The following STUM variants were observed in gnomAD, a reference collection of about 807,000 sequenced individuals.
STUM encodes the protein stum, mechanosensory transduction mediator homolog, also known as protein stum homolog.
Under a neutral mutation model 15.3 loss-of-function variants are expected in STUM, and 8 were observed. The ratio of observed to expected loss-of-function variants is 0.52; its 90% CI spans 0.31 to 0.94. The LOEUF (loss-of-function observed/expected upper bound fraction) is 0.94. Ranked by LOEUF, STUM falls within the 40% of genes least tolerant of loss-of-function variation. The probability of loss-of-function intolerance (pLI) is 0.05; values close to 1 mark genes in which losing one functional copy is unlikely to be tolerated. For missense variants in STUM, 142 were observed against 204.9 expected, an observed-to-expected ratio of 0.69 and a Z score of 1.87; for synonymous variants, 78 against 88.7, an observed-to-expected ratio of 0.88 and a Z score of 0.68.
At chr1:226,598,747 C>G (rs1310221203) in intron 2 of STUM, among the ~76,000 whole-genome samples, 1 of 152,236 alleles carries the variant, frequency 6.6e-6, no homozygotes, top group East Asian at 1.9e-4. Context: ...GCAGCCCCTA[C>G]CTTTGCCATG....
chr1:226,578,632 G>C (rs1362997197), intron 1 of STUM, among the ~76,000 whole-genome samples: 1 of 152,086 alleles, frequency 6.6e-6, no homozygotes, highest in African/African-American at 2.4e-5. Context: ...CAAAGTGCTG[G>C]GATTACAGGC....
intron 1 of STUM, among the ~76,000 whole-genome samples, chr1:226,596,081 G>A (rs559338801): frequency 1.3e-4 from 20 of 152,274 alleles, no homozygotes; most frequent in Admixed American, 7.2e-4. Flanking sequence ...ACCCATAGGG[G>A]CTGAGTCTTA....
intron 1 of STUM, among the ~76,000 whole-genome samples, chr1:226,583,232 G>A (rs925604515): frequency 1.3e-5 from 2 of 152,006 alleles, no homozygotes; most frequent in African/African-American, 4.8e-5. Context: ...GGGAGGAGCA[G>A]CAAAGTCACA....
rs548730226 is a variant in STUM, at chr1:226,565,549, A to G, written c.202+16443A>G. Among the ~76,000 whole-genome samples, 2 of 152,232 alleles carry G rather than the reference A, an allele frequency of 1.3e-5. No individual in the cohort carries two copies. The highest frequency in any genetic ancestry group is 4.8e-5 in the African/African-American group (2 of 41,460). ...TCCTAGAAGCTCTGAAACAGCCAGT[A>G]CATGGAGCCAGGGCTTCCTGCCGTC... On this transcript the variant is annotated intron_variant, in intron 1 of 3. Coordinates refer to ENST00000366788, the MANE Select transcript of STUM (RefSeq NM_001003665.4). This position sits in a 1 kb window ranked among gnomAD's most constrained non-coding sequence, Gnocchi z 4.4.
intron 1 of STUM, among the ~76,000 whole-genome samples, chr1:226,566,091 G>A (rs1667621594): frequency 6.6e-6 from 1 of 152,218 alleles, no homozygotes; most frequent in African/African-American, 2.4e-5. Flanking sequence ...CTTGGAGAAT[G>A]ACACTTGCTT....
At position 226,548,984 on chromosome 1, in the gene STUM, C is replaced by T. The variant is rs765482144; in HGVS notation, c.80C>T (p.Ser27Leu). 1 of 1,530,842 alleles carries T rather than the reference C, an allele frequency of 6.5e-7. No individual in the cohort carries two copies. The highest frequency in any genetic ancestry group is 8.8e-7 in the Non-Finnish European group (1 of 1,141,336). The allele number at this position is 1,530,842 out of a possible 1,614,324, so 94.8% of individuals were successfully genotyped here. ...VAAADPRGAS[S>L]SSGVVVQVRE... ...GCGGCGGACCCCCGGGGGGCGTCCT[C>T]GTCCAGCGGGGTGGTGGTGCAGGTC... Residue 27 changes from serine (S) to leucine (L), a missense_variant, in exon 1 of 4, where the codon TCG (serine) becomes TTG (leucine). Ser to Leu is a moderately radical substitution (Grantham distance 145). Around this residue, in one of 2 missense-constraint regions of STUM, gnomAD observed 113 missense variants for 134.4 expected, o/e 0.84. Coordinates refer to ENST00000366788, the MANE Select transcript of STUM (RefSeq NM_001003665.4).
intron 1 of STUM, among the ~76,000 whole-genome samples, chr1:226,573,901 C>G (rs1667762363): frequency 6.7e-6 from 1 of 149,872 alleles, no homozygotes; most frequent in Non-Finnish European, 1.5e-5. Context: ...GTGGTGTGAT[C>G]TCAGCTCACT....
At position 226,548,971 on chromosome 1, in the gene STUM, C is replaced by G. The variant is rs761170398; in HGVS notation, c.67C>G (p.Arg23Gly). ...GGCGGCGGTGGCGGCGGCGGACCCCCGGGGGGCGTCCTCGTCCAGCGGGGT... is the reference window on the plus strand; with the variant it reads ...GGCGGCGGTGGCGGCGGCGGACCCCGGGGGGGCGTCCTCGTCCAGCGGGGT... ...AAAAVAAADP[R>G]GASSSSGVVV... Residue 23 changes from arginine (R) to glycine (G), a missense_variant, in exon 1 of 4, where the codon CGG becomes GGG. Coordinates refer to ENST00000366788, the MANE Select transcript of STUM (RefSeq NM_001003665.4). 1.3e-4 allele frequency: 193 copies of G among 1,510,484 alleles called. 3 individuals carry two copies. The East Asian group carries it at 5.1e-3, about 40-fold the overall frequency. 93.6% of individuals were successfully genotyped at this position (1,510,484 alleles called of 1,614,324 possible). A position where few individuals can be genotyped will look rare whatever the true frequency, so the allele number is the denominator to read the frequency against.
intron 1 of STUM, among the ~76,000 whole-genome samples, chr1:226,585,977 A>G (rs938929098): frequency 2.0e-5 from 2 of 100,674 alleles, no homozygotes; most frequent in Non-Finnish European, 3.9e-5. Flanking sequence ...ATTTTCTCAC[A>G]TGGTGGGGAG....
At chr1:226,583,450 T>C (rs1667949340) in intron 1 of STUM, among the ~76,000 whole-genome samples, 1 of 152,236 alleles carries the variant, frequency 6.6e-6, no homozygotes, top group Non-Finnish European at 1.5e-5. Flanking sequence ...ATTATAATGA[T>C]AATGGTTTTA....
chr1:226,550,678 G>A (rs1377588486), intron 1 of STUM, among the ~76,000 whole-genome samples: 1 of 151,924 alleles, frequency 6.6e-6, no homozygotes, highest in Non-Finnish European at 1.5e-5. Flanking sequence ...AGGTGAGAGG[G>A]GCTGCACCAA....
intron 1 of STUM, among the ~76,000 whole-genome samples, chr1:226,571,080 G>A (rs1489950644): frequency 6.6e-6 from 1 of 151,794 alleles, no homozygotes; most frequent in Non-Finnish European, 1.5e-5. Context: ...AAAATACAAA[G>A]ATTAGCCAGG....
At position 226,548,968 on chromosome 1, in the gene STUM, C is replaced by T. The variant is rs1354034324; in HGVS notation, c.64C>T (p.Pro22Ser). 4 of 1,491,076 alleles carry T rather than the reference C, an allele frequency of 2.7e-6. No homozygotes were observed. Among genetic ancestry groups the T allele is most frequent in the Admixed American group, 5.2e-5 (2 of 38,188 alleles). 92.4% of individuals were successfully genotyped at this position (1,491,076 alleles called of 1,614,324 possible). ...AAAAAVAAAD[P>S]RGASSSSGVV... Reference sequence around the variant, plus strand: ...GGCGGCGGCGGTGGCGGCGGCGGACCCCCGGGGGGCGTCCTCGTCCAGCGG... The same window carrying T: ...GGCGGCGGCGGTGGCGGCGGCGGACTCCCGGGGGGCGTCCTCGTCCAGCGG... Residue 22 changes from proline to serine, a missense_variant, in exon 1 of 4, where the codon CCC becomes TCC. Pro to Ser is a moderately conservative substitution (Grantham distance 74, BLOSUM62 -1). Around this residue, in one of 2 missense-constraint regions of STUM, gnomAD observed 113 missense variants for 134.4 expected, o/e 0.84. Coordinates refer to ENST00000366788, the MANE Select transcript of STUM (RefSeq NM_001003665.4).
rs1668305715 is a variant in STUM, at chr1:226,603,534, T to C, written c.*1494T>C. ...GACACAGTGCCATTGGGCATGTCCC[T>C]CTCTGAAGGGCTTGTTTGTCTATCA... On this transcript the variant is annotated 3_prime_UTR_variant, in exon 4 of 4. Coordinates refer to ENST00000366788, the MANE Select transcript of STUM (RefSeq NM_001003665.4). 1 of 152,258 alleles carries C rather than the reference T, an allele frequency of 6.6e-6. No individual in the cohort carries two copies. The highest frequency in any genetic ancestry group is 2.4e-5 in the African/African-American group (1 of 41,470). The allele number at this position is 152,258 out of a possible 1,614,324, so 9.4% of individuals were successfully genotyped here.
intron 1 of STUM, among the ~76,000 whole-genome samples, chr1:226,560,590 G>T (rs1667523606): frequency 1.3e-5 from 2 of 152,198 alleles, no homozygotes; most frequent in Non-Finnish European, 2.9e-5. Flanking sequence ...GGGCATGTGT[G>T]TGATGGAGTG....
chr1:226,563,846 T>C (rs1667579287), intron 1 of STUM, among the ~76,000 whole-genome samples: 2 of 152,210 alleles, frequency 1.3e-5, no homozygotes, highest in African/African-American at 4.8e-5. Context: ...AGTGGAATCC[T>C]TCCAGGAATT....
chr1:226,591,818 A>C (rs1397836042), intron 1 of STUM, among the ~76,000 whole-genome samples: 1 of 152,202 alleles, frequency 6.6e-6, no homozygotes, highest in Non-Finnish European at 1.5e-5. Context: ...AACATGAAAG[A>C]ACATGGAATG....
At chr1:226,564,002 G>T (rs985122094) in intron 1 of STUM, among the ~76,000 whole-genome samples, 1 of 152,182 alleles carries the variant, frequency 6.6e-6, no homozygotes, top group South Asian at 2.1e-4. Context: ...AGGCTCGGGT[G>T]GTCTTGCGTC....
rs1028762145 is a variant in STUM, at chr1:226,565,339, G to A, written c.202+16233G>A. On this transcript the variant is annotated intron_variant, in intron 1 of 3. Coordinates refer to ENST00000366788, the MANE Select transcript of STUM (RefSeq NM_001003665.4). This position sits in a 1 kb window ranked among gnomAD's most constrained non-coding sequence, Gnocchi z 4.4. ...GTTCCTTCATGAAGACCCTGGGGGT[G>A]GGAGCCTTTGCTTCCTGCTGGGACC... 9.9e-5 allele frequency among the ~76,000 whole-genome samples: 15 copies of A among 152,196 alleles called. No homozygotes were observed. The highest frequency in any genetic ancestry group is 3.4e-3 in the Middle Eastern group (1 of 294).
Sources: gnomAD v4.1 joint callset for allele counts (sites outside exome capture counted in the v4.1 genomes callset) on GRCh38, gnomAD v4.1.1 for gene constraint, gnomAD v4.1.1 regional missense constraint, Gnocchi (gnomAD v3.1) non-coding constraint, MANE v1.5 for transcripts, NCBI Gene and HGNC (gene_info 2026-07-23, HGNC 2026-07-21) for gene names.